Variants in GPC6 observed in about 807,000 individuals in gnomAD.
GPC6 encodes the protein glypican 6, also known as glypican-6.
In GPC6, 14 loss-of-function variants were observed where a neutral mutation model predicts 55.2. The observed-to-expected ratio is 0.25, with a 90% CI of 0.17 to 0.40. The LOEUF is 0.40. Among genes scored for constraint, GPC6 ranks in the 10% least tolerant of loss-of-function variants. The probability of loss-of-function intolerance (pLI) is 1.00; values close to 1 mark genes in which losing one functional copy is unlikely to be tolerated. For synonymous variants in GPC6, 278 were observed against 259.6 expected (o/e 1.07, Z -0.68); for missense variants, 641 against 708.5 (o/e 0.90, Z 1.08).
chr13:93,427,521 A>G (rs1877186346), intron 1 of GPC6, among the ~76,000 whole-genome samples: 3 of 152,124 alleles, frequency 2.0e-5, no homozygotes, highest in Non-Finnish European at 4.4e-5. Context: ...TATTTAACAA[A>G]TGGTGCTGGG....
chr13:93,646,366 CTG>C (rs1256663610), intron 2 of GPC6, among the ~76,000 whole-genome samples: 5 of 152,020 alleles, frequency 3.3e-5, no homozygotes, highest in Non-Finnish European at 5.9e-5. Context: ...AAAGTGAAAA[CTG>C]TGGATTGTTT....
intron 2 of GPC6, among the ~76,000 whole-genome samples, chr13:93,654,751 A>G (rs1176176009): frequency 6.6e-6 from 1 of 152,196 alleles, no homozygotes; most frequent in Admixed American, 6.5e-5. Context: ...TCTATAAATA[A>G]ATATCCTTTT....
chr13:93,710,779 T>G (rs1202624240), intron 2 of GPC6, among the ~76,000 whole-genome samples: 2 of 151,650 alleles, frequency 1.3e-5, no homozygotes, highest in African/African-American at 4.8e-5. Context: ...ATTATAATTT[T>G]AAGTAATAGC....
intron 3 of GPC6, among the ~76,000 whole-genome samples, chr13:94,000,568 A>C (rs1881752211): frequency 6.6e-6 from 1 of 152,180 alleles, no homozygotes; most frequent in Non-Finnish European, 1.5e-5. Flanking sequence ...ATTTTATTCC[A>C]AGTTGGACAG....
chr13:94,064,779 GCC>G (rs1473798014), intron 4 of GPC6, among the ~76,000 whole-genome samples: 3 of 151,988 alleles, frequency 2.0e-5, no homozygotes, highest in African/African-American at 7.2e-5. Flanking sequence ...ATCTTCTCTT[GCC>G]TGAATCCCTG....
chr13:94,265,640 C>T lies in GPC6; in HGVS notation c.878-20709C>T, dbSNP rs1202631716. Among the ~76,000 whole-genome samples, 5 of 151,690 alleles carry T rather than the reference C, an allele frequency of 3.3e-5. No individual in the cohort carries two copies. The South Asian group carries it at 6.2e-4, about 19-fold the overall frequency. On this transcript the variant is annotated intron_variant, in intron 4 of 8. Coordinates refer to ENST00000377047, the MANE Select transcript of GPC6 (RefSeq NM_005708.5). ...ACCATCACAGGGAGAAAGGTGAAAG[C>T]GAGAAGGGAGAGAAAGCAAGAAGTG...
At chr13:94,198,919 A>G (rs1336705462) in intron 4 of GPC6, among the ~76,000 whole-genome samples, 1 of 152,212 alleles carries the variant, frequency 6.6e-6, no homozygotes, top group East Asian at 1.9e-4. Flanking sequence ...CGTATGGCAC[A>G]GCTGCCTTAA....
chr13:94,293,830 G>A (rs1875151704), intron 5 of GPC6, among the ~76,000 whole-genome samples: 2 of 152,184 alleles, frequency 1.3e-5, no homozygotes, highest in South Asian at 4.1e-4. Context: ...ATGCCATGCT[G>A]TTTCCTCAGT....
chr13:93,979,693 A>C (rs1880702438), intron 3 of GPC6, among the ~76,000 whole-genome samples: 1 of 152,124 alleles, frequency 6.6e-6, no homozygotes, highest in South Asian at 2.1e-4. Flanking sequence ...CCTGCACAGT[A>C]TCATCTGGCA....
At chr13:93,463,570 G>A (rs1878784156) in intron 1 of GPC6, among the ~76,000 whole-genome samples, 1 of 152,118 alleles carries the variant, frequency 6.6e-6, no homozygotes, top group Non-Finnish European at 1.5e-5. Context: ...CTCCATCAGA[G>A]TTTATTGTAG....
chr13:93,706,487 G>A (rs1272107029), intron 2 of GPC6, among the ~76,000 whole-genome samples: 2 of 151,860 alleles, frequency 1.3e-5, no homozygotes, highest in South Asian at 2.1e-4. Context: ...TTTGAAATTC[G>A]TTGCAACACA....
intron 4 of GPC6, among the ~76,000 whole-genome samples, chr13:94,070,210 T>G (rs1233108716): frequency 6.6e-6 from 1 of 151,388 alleles, no homozygotes; most frequent in East Asian, 2.0e-4. Flanking sequence ...GAAACTCCAG[T>G]TTTTGAAACC....
chr13:93,983,429 G>C (rs537623106), intron 3 of GPC6, among the ~76,000 whole-genome samples: 108 of 151,830 alleles, frequency 7.1e-4, no homozygotes, highest in African/African-American at 2.6e-3. Context: ...TAAATTCATC[G>C]TGTTTTTTTT....
rs563236198 is a variant in GPC6 at position 93,453,470 on chromosome 13, T to A, written c.161-91793T>A. Reference sequence around the variant, plus strand: ...AGTTTATGTAAATCTCATAAGTAACTTTTAAGGGAAGTATTGTGTCCGGAA... The same window carrying A: ...AGTTTATGTAAATCTCATAAGTAACATTTAAGGGAAGTATTGTGTCCGGAA... On this transcript the variant is annotated intron_variant, in intron 1 of 8. Coordinates refer to ENST00000377047, the MANE Select transcript of GPC6 (RefSeq NM_005708.5). 2.6e-5 allele frequency among the ~76,000 whole-genome samples: 4 copies of A among 151,944 alleles called. No homozygotes were observed. The South Asian group carries it at 8.3e-4, about 32-fold the overall frequency.
chr13:94,330,657 G>T (rs141978673), intron 6 of GPC6, among the ~76,000 whole-genome samples: 96 of 152,254 alleles, frequency 6.3e-4, no homozygotes, highest in African/African-American at 2.2e-3. Flanking sequence ...CAGGTGATTC[G>T]TAGGTACATC....
chr13:93,949,091 G>T (rs1047246952), intron 3 of GPC6, among the ~76,000 whole-genome samples: 1 of 152,044 alleles, frequency 6.6e-6, no homozygotes, highest in Admixed American at 6.6e-5. Flanking sequence ...GCGTTGTTGG[G>T]AACCTTCTAC....
At chr13:93,528,281 A>G (rs1488985466) in intron 1 of GPC6, among the ~76,000 whole-genome samples, 3 of 152,222 alleles carry the variant, frequency 2.0e-5, no homozygotes, top group Non-Finnish European at 4.4e-5. Context: ...ACCAAATTCA[A>G]TAGTAAAGTG....
At chr13:93,825,399 A>G (rs1412166738) in intron 2 of GPC6, among the ~76,000 whole-genome samples, 1 of 152,226 alleles carries the variant, frequency 6.6e-6, no homozygotes, top group Non-Finnish European at 1.5e-5. Context: ...CTACTGCTCA[A>G]TAGCACACAA....
At chr13:94,023,740 G>A (rs1882790746) in intron 3 of GPC6, among the ~76,000 whole-genome samples, 1 of 151,894 alleles carries the variant, frequency 6.6e-6, no homozygotes, top group Non-Finnish European at 1.5e-5. Flanking sequence ...TCCTTCAGTG[G>A]GAGAGTAGTT....
Sources: gnomAD v4.1 joint callset for allele counts (sites outside exome capture counted in the v4.1 genomes callset) on GRCh38, gnomAD v4.1.1 for gene constraint, MANE v1.5 for transcripts, NCBI Gene and HGNC (gene_info 2026-07-23, HGNC 2026-07-21) for gene names.